DHRSX: variants seen among roughly 807,000 people sequenced by gnomAD.
DHRSX encodes polyprenol dehydrogenase.
In DHRSX, 31 loss-of-function variants were observed where a neutral mutation model predicts 34.0. The observed-to-expected ratio is 0.91, with a 90% CI of 0.69 to 1.23. The LOEUF is 1.23. Among genes scored for constraint, DHRSX ranks in the 50% most tolerant of loss-of-function variants. The pLI, the probability that DHRSX is intolerant of heterozygous loss-of-function variation, is 0.00. For missense variants in DHRSX, 414 were observed against 428.1 expected (o/e 0.97, Z 0.29); for synonymous variants, 201 against 183.8 (o/e 1.09, Z -0.76).
intron 1 of DHRSX, among the ~76,000 whole-genome samples, chrX:2,493,222 C>A (rs1313444473): frequency 6.6e-6 from 1 of 152,142 alleles, no homozygotes; most frequent in Non-Finnish European, 1.5e-5. Context: ...TAGGGTGGGG[C>A]CCCTGGATTA....
chrX:2,385,455 T>A (rs1483637957), intron 3 of DHRSX, among the ~76,000 whole-genome samples: 1 of 150,384 alleles, frequency 6.6e-6, no homozygotes. Flanking sequence ...AATTGATGAC[T>A]ATTCCTTGCT....
At chrX:2,304,339 TGATG>T (rs778314078) in intron 3 of DHRSX, among the ~76,000 whole-genome samples, 16 of 118,082 alleles carry the variant, frequency 1.4e-4, no homozygotes, top group East Asian at 5.8e-4. Context: ...ATGGATGAAC[TGATG>T]GATGGATGGA....
intron 5 of DHRSX, among the ~76,000 whole-genome samples, chrX:2,247,745 C>T (rs1443238882): frequency 1.3e-5 from 2 of 151,860 alleles, no homozygotes; most frequent in East Asian, 3.9e-4. Context: ...ATAATGCATG[C>T]CTATGCTGGG....
At chrX:2,365,010 G>T (rs1203629037) in intron 3 of DHRSX, among the ~76,000 whole-genome samples, 1 of 152,010 alleles carries the variant, frequency 6.6e-6, no homozygotes, top group Non-Finnish European at 1.5e-5. Context: ...GGGACAACTG[G>T]CATATCTATC....
intron 1 of DHRSX, among the ~76,000 whole-genome samples, chrX:2,443,009 G>A (rs2044082102): frequency 6.6e-6 from 1 of 152,026 alleles, no homozygotes; most frequent in African/African-American, 2.4e-5. Context: ...AGAGGGAGGC[G>A]GAGTTTCTCA....
At chrX:2,360,554 G>A (rs1391179205) in intron 3 of DHRSX, among the ~76,000 whole-genome samples, 1 of 152,090 alleles carries the variant, frequency 6.6e-6, no homozygotes, top group Non-Finnish European at 1.5e-5. Context: ...CTGCACTCCA[G>A]CCTGGGCAAC....
intron 2 of DHRSX, among the ~76,000 whole-genome samples, chrX:2,421,060 A>T (rs893309694): frequency 2.6e-5 from 4 of 152,106 alleles, no homozygotes. Context: ...TTATATGAGG[A>T]ATGGAACTGC....
chrX:2,371,253 T>G (rs940168909), intron 3 of DHRSX, among the ~76,000 whole-genome samples: 2 of 141,944 alleles, frequency 1.4e-5, no homozygotes, highest in Admixed American at 7.0e-5. Context: ...TAGTCCCTCC[T>G]CCATTACCAT....
At chrX:2,467,274 C>T (rs1157957252) in intron 1 of DHRSX, among the ~76,000 whole-genome samples, 15 of 152,154 alleles carry the variant, frequency 9.9e-5, no homozygotes, top group Middle Eastern at 3.4e-3. Flanking sequence ...CACAAATCCC[C>T]GAGACCTAAT....
At chrX:2,443,872 G>C (rs916673816) in intron 1 of DHRSX, among the ~76,000 whole-genome samples, 1 of 152,148 alleles carries the variant, frequency 6.6e-6, no homozygotes, top group African/African-American at 2.4e-5. Flanking sequence ...CGGGTGTGGT[G>C]GCGGAAGCCT....
chrX:2,400,339 T>C (rs2043470877), intron 3 of DHRSX, among the ~76,000 whole-genome samples: 1 of 152,188 alleles, frequency 6.6e-6, no homozygotes, highest in Non-Finnish European at 1.5e-5. Flanking sequence ...ACAATCCTTC[T>C]ACCCAATCCG....
chrX:2,358,912 G>C lies in DHRSX; in HGVS notation c.286+49833C>G, dbSNP rs191992971. On this transcript the variant is annotated intron_variant, in intron 3 of 6. Coordinates refer to ENST00000334651, the MANE Select transcript of DHRSX (RefSeq NM_145177.3). The stretch of plus-strand genomic sequence containing the variant: ...TGCAGTGAGCCGAGATCGCGCCACC[G>C]CACTCCAGCCTGGGCGACAGAGTGA... Among the ~76,000 whole-genome samples, 342 of 148,246 alleles carry C rather than the reference G, an allele frequency of 2.3e-3. 3 individuals carry two copies. The highest frequency in any genetic ancestry group is 8.2e-3 in the African/African-American group (329 of 40,100).
chrX:2,479,223 G>GAC (rs1184824495), intron 1 of DHRSX, among the ~76,000 whole-genome samples: 1 of 151,598 alleles, frequency 6.6e-6, no homozygotes, highest in Non-Finnish European at 1.5e-5. Context: ...GCACACTGAA[G>GAC]ATGATCCCTA....
intron 3 of DHRSX, among the ~76,000 whole-genome samples, chrX:2,331,130 G>C (rs865811164): frequency 1.3e-5 from 2 of 152,070 alleles, no homozygotes; most frequent in African/African-American, 2.4e-5. Context: ...CCCAAGAATA[G>C]TATCTATCTC....
intron 3 of DHRSX, among the ~76,000 whole-genome samples, chrX:2,399,573 G>C (rs2043458858): frequency 6.6e-6 from 1 of 151,866 alleles, no homozygotes; most frequent in Non-Finnish European, 1.5e-5. Flanking sequence ...GGGTGTGATG[G>C]TGCACGCCTG....
intron 4 of DHRSX, among the ~76,000 whole-genome samples, chrX:2,276,003 C>G (rs1015838814): frequency 1.1e-4 from 17 of 151,954 alleles, no homozygotes; most frequent in African/African-American, 3.6e-4. Flanking sequence ...GCTACTATGC[C>G]CAGCTAATTT....
At chrX:2,311,742 G>C (rs1463121588) in intron 3 of DHRSX, among the ~76,000 whole-genome samples, 1 of 152,112 alleles carries the variant, frequency 6.6e-6, no homozygotes, top group Non-Finnish European at 1.5e-5. Flanking sequence ...TCGTCCTCCT[G>C]GGAATGCGTT....
At chrX:2,363,987 G>A (rs1421881793) in intron 3 of DHRSX, among the ~76,000 whole-genome samples, 2 of 145,366 alleles carry the variant, frequency 1.4e-5, no homozygotes, top group African/African-American at 2.4e-5. Flanking sequence ...TGGGATGGAG[G>A]AGATAAGGGA....
intron 3 of DHRSX, among the ~76,000 whole-genome samples, chrX:2,402,021 A>G (rs1280820743): frequency 6.6e-6 from 1 of 152,190 alleles, no homozygotes; most frequent in Non-Finnish European, 1.5e-5. Flanking sequence ...AGTACAACAA[A>G]GTACGCAGGC....
Sources: allele counts gnomAD v4.1 joint callset (sites outside exome capture counted in the v4.1 genomes callset), GRCh38; gene constraint gnomAD v4.1.1; transcripts MANE v1.5; gene names NCBI Gene and HGNC (gene_info 2026-07-23, HGNC 2026-07-21).